PRKN: variants seen among roughly 807,000 people sequenced by gnomAD.
PRKN encodes parkin RBR E3 ubiquitin protein ligase, also known as E3 ubiquitin-protein ligase parkin.
Under a neutral mutation model 59.5 loss-of-function variants are expected in PRKN, and 56 were observed. That is an observed-to-expected ratio of 0.94 (90% CI 0.76 to 1.18). The LOEUF (loss-of-function observed/expected upper bound fraction) is 1.18, where lower values mean the gene tolerates loss of function less well. Among genes scored for constraint, PRKN ranks in the 50% most tolerant of loss-of-function variants. PRKN has a pLI of 0.00. For synonymous variants in PRKN, 250 were observed against 222.1 expected (o/e 1.13, Z -1.12); for missense variants, 657 against 596.4 (o/e 1.10, Z -1.06).
intron 2 of PRKN, among the ~76,000 whole-genome samples, chr6:162,440,452 AGT>A (rs1321030303): frequency 5.3e-5 from 8 of 152,184 alleles, no homozygotes; most frequent in Admixed American, 5.2e-4. Flanking sequence ...GGTGAAACTA[AGT>A]GTGAGAGATA....
intron 2 of PRKN, among the ~76,000 whole-genome samples, chr6:162,325,352 T>C (rs961929730): frequency 6.6e-6 from 1 of 152,174 alleles, no homozygotes; most frequent in Non-Finnish European, 1.5e-5. Context: ...CTTCTTTTCT[T>C]AGTCTTGGGT....
chr6:162,638,904 C>T (rs1408124997), intron 1 of PRKN, among the ~76,000 whole-genome samples: 1 of 151,968 alleles, frequency 6.6e-6, no homozygotes, highest in African/African-American at 2.4e-5. Flanking sequence ...GCCACCACAC[C>T]CAGCTAATTT....
At chr6:162,179,763 T>A (rs1049975495) in intron 4 of PRKN, among the ~76,000 whole-genome samples, 10 of 152,148 alleles carry the variant, frequency 6.6e-5, no homozygotes, top group Non-Finnish European at 1.3e-4. Flanking sequence ...ACTGGCTCAA[T>A]TCATGAGCTT....
chr6:161,746,627 C>T (rs1329409029), intron 7 of PRKN, among the ~76,000 whole-genome samples: 2 of 143,188 alleles, frequency 1.4e-5, no homozygotes, highest in African/African-American at 5.2e-5. Flanking sequence ...GATATATACA[C>T]ATATATGTAT....
At chr6:162,527,275 C>T (rs1368385226) in intron 1 of PRKN, among the ~76,000 whole-genome samples, 1 of 152,136 alleles carries the variant, frequency 6.6e-6, no homozygotes, top group Non-Finnish European at 1.5e-5. Flanking sequence ...ACAAGCAAGA[C>T]GCATAGTTAC....
intron 5 of PRKN, among the ~76,000 whole-genome samples, chr6:161,977,690 G>T (rs1182633590): frequency 6.6e-6 from 1 of 151,746 alleles, no homozygotes; most frequent in East Asian, 1.9e-4. Flanking sequence ...GGGACCACAA[G>T]GCGCCCGCCA....
At chr6:161,973,490 A>C in intron 5 of PRKN, 73 bp from the exon 6 acceptor site, 1 of 813,138 alleles carries the variant, frequency 1.2e-6, no homozygotes, top group South Asian at 1.4e-5. Context: ...TTTCCACAGT[A>C]AACAATCTCT....
At chr6:162,008,906 T>C (rs1052069882) in intron 5 of PRKN, among the ~76,000 whole-genome samples, 2 of 151,966 alleles carry the variant, frequency 1.3e-5, no homozygotes, top group African/African-American at 2.4e-5. Flanking sequence ...TGGATACCCT[T>C]GTAAGAGTTA....
intron 6 of PRKN, among the ~76,000 whole-genome samples, chr6:161,830,942 T>A (rs1331581762): frequency 6.6e-6 from 1 of 152,152 alleles, no homozygotes; most frequent in African/African-American, 2.4e-5. Context: ...CCTATGACCC[T>A]GCTCCCCAAC....
At chr6:162,590,422 AATCT>A (rs2128214029) in intron 1 of PRKN, among the ~76,000 whole-genome samples, 1 of 152,294 alleles carries the variant, frequency 6.6e-6, no homozygotes, top group South Asian at 2.1e-4. Flanking sequence ...TATCAACCTT[AATCT>A]ATCTGCAAAG....
At chr6:162,696,647 C>G (rs1386644718) in intron 1 of PRKN, among the ~76,000 whole-genome samples, 1 of 146,838 alleles carries the variant, frequency 6.8e-6, no homozygotes, top group Non-Finnish European at 1.5e-5. Context: ...TCACTGCACT[C>G]CCAGGCTCAA....
At chr6:162,309,292 G>A (rs1275688640) in intron 2 of PRKN, among the ~76,000 whole-genome samples, 1 of 152,108 alleles carries the variant, frequency 6.6e-6, no homozygotes, top group Non-Finnish European at 1.5e-5. Flanking sequence ...AGCCTCCCGA[G>A]TAGCTGGGAT....
At chr6:162,608,152 A>G (rs1781998605) in intron 1 of PRKN, among the ~76,000 whole-genome samples, 1 of 152,232 alleles carries the variant, frequency 6.6e-6, no homozygotes, top group South Asian at 2.1e-4. Flanking sequence ...CACAGAGCAT[A>G]AACAATGGTG....
chr6:162,195,641 T>A (rs373416226), intron 4 of PRKN, among the ~76,000 whole-genome samples: 1 of 152,210 alleles, frequency 6.6e-6, no homozygotes, highest in East Asian at 1.9e-4. Flanking sequence ...GAGTATCTCA[T>A]TAGAGTGGCA....
At chr6:162,656,105 T>C (rs753597306) in intron 1 of PRKN, among the ~76,000 whole-genome samples, 1 of 152,136 alleles carries the variant, frequency 6.6e-6, no homozygotes, top group African/African-American at 2.4e-5. Flanking sequence ...TGGCACAAAG[T>C]AGAGCGTACA....
intron 4 of PRKN, among the ~76,000 whole-genome samples, chr6:162,096,619 G>T (rs753772936): frequency 6.6e-6 from 1 of 152,080 alleles, no homozygotes; most frequent in Non-Finnish European, 1.5e-5. Context: ...TAGTGAATAA[G>T]TCTCACACGA....
chr6:161,613,593 T>C (rs886247183), intron 7 of PRKN, among the ~76,000 whole-genome samples: 1 of 152,130 alleles, frequency 6.6e-6, no homozygotes, highest in Admixed American at 6.5e-5. Flanking sequence ...AAGAGTCCAG[T>C]GATGTGGCAA....
chr6:162,397,218 A>T lies in PRKN; in HGVS notation c.171+46092T>A, dbSNP rs566392000. 1.2e-4 allele frequency among the ~76,000 whole-genome samples: 18 copies of T among 152,300 alleles called. No individual in the cohort carries two copies. In the South Asian group the frequency reaches 3.5e-3, roughly 30 times the overall value. ...AGAAAATTTGCTTAATTATTGTTAA[A>T]TGATTCTGTGAACTCTCTTCATTTA... is the stretch of plus-strand genomic sequence containing the variant. On this transcript the variant is annotated intron_variant, in intron 2 of 11. Transcript: ENST00000366898.
chr6:161,938,461 C>G (rs1370410705), intron 6 of PRKN, among the ~76,000 whole-genome samples: 1 of 152,094 alleles, frequency 6.6e-6, no homozygotes, highest in African/African-American at 2.4e-5. Flanking sequence ...TTGTATGGTT[C>G]TAGATGGAAG....
Sources: gnomAD v4.1 joint callset for allele counts (sites outside exome capture counted in the v4.1 genomes callset) on GRCh38, gnomAD v4.1.1 for gene constraint, MANE v1.5 for transcripts, NCBI Gene and HGNC (gene_info 2026-07-23, HGNC 2026-07-21) for gene names.